Variants in EEF1AKMT4 observed in about 807,000 individuals in gnomAD.
EEF1AKMT4 encodes eukaryotic translation elongation factor 1 alpha lysine specific methyltransferase 4.
EEF1AKMT4 carries 17 observed loss-of-function variants against 23.0 expected under a neutral mutation model. The observed-to-expected ratio is 0.74, with a 90% CI of 0.51 to 1.11. EEF1AKMT4 has a LOEUF of 1.11. Ranked by LOEUF, EEF1AKMT4 falls within the 50% of genes least tolerant of loss-of-function variation. The pLI is 0.00. For synonymous variants in EEF1AKMT4, 140 were observed against 141.4 expected (o/e 0.99, Z 0.07); for missense variants, 318 against 333.4 (o/e 0.95, Z 0.36).
At chr3:184,257,972 G>A (rs2108452037) in intron 2 of EEF1AKMT4, among the ~76,000 whole-genome samples, 1 of 152,272 alleles carries the variant, frequency 6.6e-6, no homozygotes, top group East Asian at 1.9e-4. Flanking sequence ...CTGACATGTG[G>A]TTACTGGGTT....
rs1719427084 is a variant in EEF1AKMT4 at position 184,249,721 on chromosome 3, G to A, written c.27G>A (p.Ala9=). 1 of 1,610,050 alleles carries A rather than the reference G, an allele frequency of 6.2e-7. No individual in the cohort carries two copies. Among genetic ancestry groups the A allele is most frequent in the African/African-American group, 1.3e-5 (1 of 75,004 alleles). The change falls in exon 1 of 3, where the codon GCG becomes GCA. Residue 9 remains alanine, a synonymous_variant. Transcript: ENST00000324557. MASPGAGR[A]PPELPERNCG... is the part of the protein sequence containing the mutation. The stretch of plus-strand genomic sequence containing the variant: ...TGGCCTCTCCAGGGGCAGGTAGGGC[G>A]CCTCCGGAGTTACCGGAGCGGAACT...
At position 184,257,643 on chromosome 3, in the gene EEF1AKMT4, T is replaced by G; in HGVS notation, c.367T>G (p.Ser123Ala). The G allele has an allele frequency of 1.2e-6, 2 of 1,614,212 alleles. No individual in the cohort carries two copies. The highest frequency in any genetic ancestry group is 1.7e-6 in the Non-Finnish European group (2 of 1,180,038). ...DVRKLDFPSA[S>A]FDVVLEKGTL... ...GCGGAAGCTGGACTTCCCCAGTGCT[T>G]CTTTTGATGTGGTGCTCGAGAAGGG... is the stretch of plus-strand genomic sequence containing the variant. The change falls in exon 2 of 3, where the codon TCT becomes GCT. Residue 123 changes from serine (S) to alanine (A), a missense_variant. Transcript: ENST00000324557.
At chr3:184,256,816 A>G (rs1046591886) in intron 1 of EEF1AKMT4, among the ~76,000 whole-genome samples, 3 of 151,436 alleles carry the variant, frequency 2.0e-5, no homozygotes, top group Non-Finnish European at 4.4e-5. Context: ...GATTACAGGC[A>G]TGTGCCACCA....
intron 2 of EEF1AKMT4, 90 bp downstream of exon 2, chr3:184,257,846 G>A: frequency 1.3e-6 from 2 of 1,495,086 alleles, no homozygotes; most frequent in Admixed American, 2.1e-5. Context: ...GAAGCCAGAA[G>A]CATGTTTTGG....
chr3:184,253,832 G>A (rs189026923), intron 1 of EEF1AKMT4, among the ~76,000 whole-genome samples: 11 of 152,102 alleles, frequency 7.2e-5, no homozygotes, highest in African/African-American at 2.4e-4. Context: ...ACCACACCTG[G>A]CTAATTTTTG....
In EEF1AKMT4 at chr3:184,258,660, T is replaced by C. The variant is rs368391276; in HGVS notation, c.*85T>C. ...GAATTCCTGACTTAGGACTTGGGGTTGGGTCCAAGGTGCTTACATCCCAGG... is the reference window on the plus strand; with the variant it reads ...GAATTCCTGACTTAGGACTTGGGGTCGGGTCCAAGGTGCTTACATCCCAGG... On this transcript the variant is annotated 3_prime_UTR_variant, in exon 3 of 3. Coordinates refer to ENST00000324557, the MANE Select transcript of EEF1AKMT4 (RefSeq NM_032331.4). The C allele has an allele frequency of 6.6e-7, 1 of 1,509,100 alleles. No individual in the cohort carries two copies. The highest frequency in any genetic ancestry group is 8.8e-7 in the Non-Finnish European group (1 of 1,133,126). The allele number at this position is 1,509,100 out of a possible 1,614,324, so 93.5% of individuals were successfully genotyped here. A position where few individuals can be genotyped will look rare whatever the true frequency, so the allele number is the denominator to read the frequency against.
At chr3:184,253,646 A>G (rs918983421) in intron 1 of EEF1AKMT4, among the ~76,000 whole-genome samples, 2 of 151,260 alleles carry the variant, frequency 1.3e-5, no homozygotes, top group Non-Finnish European at 2.9e-5. Context: ...CCCATGTAGA[A>G]AATGGGAATA....
intron 1 of EEF1AKMT4, among the ~76,000 whole-genome samples, chr3:184,251,421 T>C (rs940125925): frequency 2.0e-5 from 3 of 151,986 alleles, no homozygotes; most frequent in African/African-American, 4.8e-5. Flanking sequence ...TAATCCCAGG[T>C]ACTTGGGAGG....
chr3:184,257,794 T>C (rs1232658227), intron 2 of EEF1AKMT4, 38 bp downstream of exon 2: 1 of 1,579,706 alleles, frequency 6.3e-7, no homozygotes, highest in Admixed American at 1.7e-5. Context: ...GATCAATAGG[T>C]GGGGCTGCGG....
intron 1 of EEF1AKMT4, among the ~76,000 whole-genome samples, chr3:184,251,085 C>CAAAAAA (rs57069077): frequency 7.1e-5 from 5 of 70,886 alleles, no homozygotes; most frequent in South Asian, 4.8e-4. Flanking sequence ...AACTCTGTCT[C>CAAAAAA]AAAAAAAAAA....
At chr3:184,255,210 C>T (rs974284355) in intron 1 of EEF1AKMT4, among the ~76,000 whole-genome samples, 1 of 152,190 alleles carries the variant, frequency 6.6e-6, no homozygotes, top group African/African-American at 2.4e-5. Flanking sequence ...TCAGCAAACC[C>T]AGTGGGATTT....
rs561478659 is a variant in EEF1AKMT4, at chr3:184,253,996, A to G, written c.197-3477A>G. ...ATAGTATCCTTTATATGGCTCTAAC[A>G]TGAAAGTAAACTGAAATAATTCTTA... On this transcript the variant is annotated intron_variant, in intron 1 of 2. Coordinates refer to ENST00000324557, the MANE Select transcript of EEF1AKMT4 (RefSeq NM_032331.4). 1.1e-4 allele frequency among the ~76,000 whole-genome samples: 17 copies of G among 152,306 alleles called. No homozygotes were observed. In the South Asian group the frequency reaches 1.2e-3, roughly 11 times the overall value.
At chr3:184,257,811 G>C in intron 2 of EEF1AKMT4, 55 bp downstream of exon 2, 3 of 1,552,250 alleles carry the variant, frequency 1.9e-6, no homozygotes, top group Non-Finnish European at 2.6e-6. Context: ...GCGGGGTTGA[G>C]GTTTCAGGGG....
Position 184,249,688 on chromosome 3 carries a change from T to G in EEF1AKMT4, c.-7T>G. 6.3e-7 allele frequency: 1 copy of G among 1,588,508 alleles called. No homozygotes were observed. Among genetic ancestry groups the G allele is most frequent in the Non-Finnish European group, 8.6e-7 (1 of 1,162,472 alleles). ...CCGGCGGCTCTGGCTGCCCGGCGGT[T>G]GAGAGCATGGCCTCTCCAGGGGCAG... On this transcript the variant is annotated 5_prime_UTR_variant, in exon 1 of 3. Coordinates refer to ENST00000324557, the MANE Select transcript of EEF1AKMT4 (RefSeq NM_032331.4).
intron 1 of EEF1AKMT4, among the ~76,000 whole-genome samples, chr3:184,256,559 C>G (rs1221756978): frequency 6.6e-6 from 1 of 152,084 alleles, no homozygotes; most frequent in Non-Finnish European, 1.5e-5. Flanking sequence ...GAAACTGAGG[C>G]TCAAAGAGTT....
At chr3:184,256,272 C>CAAAAAAAAAAAAAAAAAAAAAAA (rs59087969) in intron 1 of EEF1AKMT4, among the ~76,000 whole-genome samples, 16 of 54,194 alleles carry the variant, frequency 3.0e-4, no homozygotes, top group Non-Finnish European at 4.8e-4. Flanking sequence ...AACTCCATCT[C>CAAAAAAAAAAAAAAAAAAAAAAA]AAAAAAAAAA....
At chr3:184,250,805 T>G (rs528048037) in intron 1 of EEF1AKMT4, among the ~76,000 whole-genome samples, 9 of 152,332 alleles carry the variant, frequency 5.9e-5, no homozygotes, top group African/African-American at 2.2e-4. Context: ...ATAACTTGGC[T>G]GGGCGCGGTG....
chr3:184,256,364 C>A (rs1202532178), intron 1 of EEF1AKMT4, among the ~76,000 whole-genome samples: 1 of 151,816 alleles, frequency 6.6e-6, no homozygotes, highest in Non-Finnish European at 1.5e-5. Context: ...TTCCCCTTCA[C>A]TTGTTAATTC....
rs182723233 is a variant in EEF1AKMT4 at position 184,252,231 on chromosome 3, G to A, written c.196+2341G>A. Among the ~76,000 whole-genome samples the A allele has an allele frequency of 2.0e-5, 3 of 152,148 alleles. No homozygotes were observed. In the East Asian group the frequency reaches 5.8e-4, roughly 29 times the overall value. On this transcript the variant is annotated intron_variant, in intron 1 of 2. Transcript: ENST00000324557. ...ACACTGCCTTAAAATCTGCTTGACT[G>A]GTTTTTCACCAAACTGATGCTTTAA...
Sources: allele counts gnomAD v4.1 joint callset (sites outside exome capture counted in the v4.1 genomes callset), GRCh38; gene constraint gnomAD v4.1.1; transcripts MANE v1.5; gene names NCBI Gene and HGNC (gene_info 2026-07-23, HGNC 2026-07-21).